BANK1: variants seen among roughly 807,000 people sequenced by gnomAD.
BANK1 encodes the protein B cell scaffold protein with ankyrin repeats 1, also known as B-cell scaffold protein with ankyrin repeats.
Under a neutral mutation model 94.5 loss-of-function variants are expected in BANK1, and 95 were observed. That is an observed-to-expected ratio of 1.00 (90% confidence interval 0.85 to 1.19). The LOEUF (loss-of-function observed/expected upper bound fraction) is 1.19. BANK1 is among the 50% of genes most tolerant of loss of function. The pLI is 0.00. For synonymous variants in BANK1, 334 were observed against 308.4 expected, an observed-to-expected ratio of 1.08 and a Z score of -0.87; for missense variants, 987 against 932.2, an observed-to-expected ratio of 1.06 and a Z score of -0.77.
intron 2 of BANK1, among the ~76,000 whole-genome samples, chr4:101,851,221 T>C (rs1322485308): frequency 6.6e-6 from 1 of 152,188 alleles, no homozygotes; most frequent in Non-Finnish European, 1.5e-5. Context: ...AAAACAACTT[T>C]ATTGCTGATG....
At chr4:101,834,438 T>C (rs1049927387) in intron 2 of BANK1, among the ~76,000 whole-genome samples, 15 of 152,224 alleles carry the variant, frequency 9.9e-5, no homozygotes, top group African/African-American at 3.6e-4. Context: ...CATATAGTTG[T>C]ATTTCCAAGT....
At chr4:101,822,890 C>T (rs1726226634) in intron 1 of BANK1, among the ~76,000 whole-genome samples, 1 of 152,184 alleles carries the variant, frequency 6.6e-6, no homozygotes, top group South Asian at 2.1e-4. Flanking sequence ...GCTGGGATTA[C>T]ACATATGAGC....
At chr4:101,994,083 C>G (rs975892923) in intron 7 of BANK1, among the ~76,000 whole-genome samples, 3 of 152,196 alleles carry the variant, frequency 2.0e-5, no homozygotes, top group African/African-American at 7.2e-5. Context: ...TGAGATGGAG[C>G]ATTTGGACTA....
chr4:102,021,438 A>G (rs952391014), intron 7 of BANK1, 76 bp from the exon 8 acceptor site: 1 of 536,282 alleles, frequency 1.9e-6, no homozygotes, highest in Non-Finnish European at 3.2e-6. Flanking sequence ...AACAAAAACT[A>G]TTTCTTATTT....
At chr4:102,003,167 G>A (rs1726134317) in intron 7 of BANK1, among the ~76,000 whole-genome samples, 1 of 152,088 alleles carries the variant, frequency 6.6e-6, no homozygotes, top group South Asian at 2.1e-4. Flanking sequence ...AAAATTGGAA[G>A]GAATACACTA....
chr4:101,945,695 G>A (rs1723903782), intron 7 of BANK1, among the ~76,000 whole-genome samples: 1 of 151,830 alleles, frequency 6.6e-6, no homozygotes, highest in Admixed American at 6.6e-5. Flanking sequence ...GTTCATGGTT[G>A]TATCCTGAGT....
chr4:101,920,902 CTTATTG>C (rs1936242465), intron 7 of BANK1, among the ~76,000 whole-genome samples: 1 of 151,386 alleles, frequency 6.6e-6, no homozygotes, highest in South Asian at 2.1e-4. Flanking sequence ...GGCACCATGT[CTTATTG>C]TTAGGTATAT....
chr4:101,881,439 G>A (rs535167182), intron 5 of BANK1, among the ~76,000 whole-genome samples: 1 of 152,212 alleles, frequency 6.6e-6, no homozygotes, highest in African/African-American at 2.4e-5. Flanking sequence ...AACAAATGCT[G>A]GTGAGGATGT....
chr4:101,805,803 TG>T (rs1486585962), intron 1 of BANK1, among the ~76,000 whole-genome samples: 1 of 151,744 alleles, frequency 6.6e-6, no homozygotes, highest in Non-Finnish European at 1.5e-5. Flanking sequence ...CTTTGGTTTG[TG>T]GAAGAGCTTC....
chr4:101,957,265 T>C (rs569293405), intron 7 of BANK1, among the ~76,000 whole-genome samples: 2 of 152,286 alleles, frequency 1.3e-5, no homozygotes, highest in African/African-American at 4.8e-5. Flanking sequence ...TTCAGTCTCA[T>C]AGCCACTCTT....
chr4:101,901,747 C>T lies in BANK1; in HGVS notation c.1009+6337C>T, dbSNP rs527945502. 1.6e-4 allele frequency among the ~76,000 whole-genome samples: 15 copies of T among 96,106 alleles called. No homozygotes were observed. The South Asian group carries it at 3.9e-3, about 25-fold the overall frequency. 63.0% of individuals were successfully genotyped at this position (96,106 alleles called of 152,430 possible). A position where few individuals can be genotyped will look rare whatever the true frequency, so the allele number is the denominator to read the frequency against. On this transcript the variant is annotated intron_variant, in intron 6 of 16. Coordinates refer to ENST00000322953, the MANE Select transcript of BANK1 (RefSeq NM_017935.5). ...AGTAGTTGGCTGCATTATCTCCAGA[C>T]GCTTTTTGTTTTTTTGTTTTTGTTT...
intron 1 of BANK1, among the ~76,000 whole-genome samples, chr4:101,816,612 G>A (rs1231306381): frequency 6.7e-6 from 1 of 149,254 alleles, no homozygotes; most frequent in Non-Finnish European, 1.5e-5. Flanking sequence ...GGTTACAGAT[G>A]TATGTTGAGG....
At position 102,025,416 on chromosome 4, in the gene BANK1, C is replaced by T; in HGVS notation, c.1501C>T (p.Gln501Ter). The T allele has an allele frequency of 6.2e-7, 1 of 1,614,080 alleles. No individual in the cohort carries two copies. Among genetic ancestry groups the T allele is most frequent in the Non-Finnish European group, 8.5e-7 (1 of 1,180,020 alleles). Residue 501 changes from glutamine to a stop codon, truncating the protein, a stop_gained, in exon 9 of 17, where the codon CAA (glutamine) becomes TAA (stop). Transcript: ENST00000322953. LOFTEE classifies it high-confidence loss of function. ...TGGTGCTGATCCAGAAAATAATTCA[C>T]AAGAGCCACTCATGAGCAGCAGACC... ...IPGADPENNS[Q>*]EPLMSSRPPL... is the part of the protein sequence containing the mutation.
intron 7 of BANK1, among the ~76,000 whole-genome samples, chr4:101,986,475 C>G (rs1427311324): frequency 6.6e-6 from 1 of 152,010 alleles, no homozygotes; most frequent in Non-Finnish European, 1.5e-5. Context: ...TTACATGGAT[C>G]TTGCTGAGCT....
At chr4:102,053,847 C>A (rs1728133943) in intron 11 of BANK1, among the ~76,000 whole-genome samples, 1 of 150,898 alleles carries the variant, frequency 6.6e-6, no homozygotes. Context: ...TACTTAGGAA[C>A]TAGAAAAAAA....
chr4:102,015,202 G>A (rs1414570210), intron 7 of BANK1, among the ~76,000 whole-genome samples: 2 of 151,810 alleles, frequency 1.3e-5, no homozygotes, highest in Admixed American at 1.3e-4. Flanking sequence ...TTTTATAAAG[G>A]AATATAGCAA....
rs568005669 is a variant in BANK1 at position 102,018,823 on chromosome 4, T to C, written c.1207-2691T>C. On this transcript the variant is annotated intron_variant, in intron 7 of 16. Coordinates refer to ENST00000322953, the MANE Select transcript of BANK1 (RefSeq NM_017935.5). The stretch of plus-strand genomic sequence containing the variant: ...ATTTCTTTTCTTTCTTTCTTTCCTT[T>C]TTTTTTTTTTTTTGAGACAGAGTCT... Among the ~76,000 whole-genome samples the C allele has an allele frequency of 8.7e-5, 13 of 149,096 alleles. No individual in the cohort carries two copies. In the South Asian group the frequency reaches 1.9e-3, roughly 22 times the overall value.
intron 12 of BANK1, 123 bp from the exon 13 acceptor site, chr4:102,062,952 C>T (rs1395366867): frequency 8.8e-6 from 6 of 684,414 alleles, no homozygotes; most frequent in South Asian, 1.9e-5. Context: ...GCAATTGAGA[C>T]ATCATAAGTA....
chr4:101,945,051 A>G (rs940459293), intron 7 of BANK1, among the ~76,000 whole-genome samples: 2 of 152,004 alleles, frequency 1.3e-5, no homozygotes, highest in African/African-American at 4.8e-5. Context: ...AAGTTTACCC[A>G]AGTGCTTATA....
Sources: gnomAD v4.1 joint callset for allele counts (sites outside exome capture counted in the v4.1 genomes callset) on GRCh38, gnomAD v4.1.1 for gene constraint, MANE v1.5 for transcripts, NCBI Gene and HGNC (gene_info 2026-07-23, HGNC 2026-07-21) for gene names.